The following NPEPPS variants were observed in gnomAD, a reference collection of about 807,000 sequenced individuals.
NPEPPS encodes the protein aminopeptidase puromycin sensitive.
Under a neutral mutation model 115.5 loss-of-function variants are expected in NPEPPS, and 14 were observed. That is an observed-to-expected ratio of 0.12 (90% CI 0.08 to 0.19). NPEPPS has a LOEUF of 0.19. Ranked by LOEUF, NPEPPS falls within the 10% of genes least tolerant of loss-of-function variation. NPEPPS has a pLI of 1.00. For missense variants in NPEPPS, 523 were observed against 1,110.8 expected (o/e 0.47, Z 7.52); for synonymous variants, 285 against 390.6 (o/e 0.73, Z 3.19).
At chr17:47,613,807 AAG>A (rs1226386380) in intron 19 of NPEPPS, 82 bp downstream of exon 19, 1 of 1,033,582 alleles carries the variant, frequency 9.7e-7, no homozygotes, top group Non-Finnish European at 1.5e-6. Flanking sequence ...GTTAAAAAAA[AAG>A]ACAGTCCTAG....
At chr17:47,567,207 A>G (rs1304890596) in intron 2 of NPEPPS, among the ~76,000 whole-genome samples, 1 of 152,236 alleles carries the variant, frequency 6.6e-6, no homozygotes, top group Non-Finnish European at 1.5e-5. Flanking sequence ...TTAACTTTAT[A>G]TGTCTCATTT....
chr17:47,618,530 T>G (rs1446898248), intron 20 of NPEPPS, 73 bp downstream of exon 20: 1 of 1,053,002 alleles, frequency 9.5e-7, no homozygotes, highest in East Asian at 2.4e-5. Context: ...GATTCAGCTC[T>G]GATCCTCTTG....
intron 2 of NPEPPS, among the ~76,000 whole-genome samples, chr17:47,568,843 C>T (rs567999114): frequency 6.6e-4 from 100 of 151,220 alleles, no homozygotes; most frequent in African/African-American, 2.2e-3. Context: ...TTAGTAGAGA[C>T]GGGGTTTCTC....
upstream of NPEPPS, among the ~76,000 whole-genome samples, chr17:47,530,736 G>A (rs374573333): frequency 6.6e-6 from 1 of 152,216 alleles, no homozygotes; most frequent in East Asian, 1.9e-4. Context: ...AGAGCCTCAA[G>A]TCAGGGCTTT....
At chr17:47,538,532 T>C (rs963137243) in intron 1 of NPEPPS, among the ~76,000 whole-genome samples, 18 of 141,668 alleles carry the variant, frequency 1.3e-4, no homozygotes, top group Non-Finnish European at 2.0e-4. Context: ...TTTTCTTTTT[T>C]TTTTTTTTTT....
intron 1 of NPEPPS, among the ~76,000 whole-genome samples, chr17:47,534,917 G>A (rs914227267): frequency 6.6e-6 from 1 of 151,912 alleles, no homozygotes; most frequent in Non-Finnish European, 1.5e-5. Flanking sequence ...GCTGCAGAAG[G>A]TGAAGAAATT....
intron 2 of NPEPPS, among the ~76,000 whole-genome samples, chr17:47,563,645 G>A (rs1330650903): frequency 2.0e-5 from 3 of 151,052 alleles, no homozygotes; most frequent in Admixed American, 2.0e-4. Context: ...ATCTCGGCTC[G>A]CTGCAAGCTC....
At chr17:47,538,445 C>T (rs1440231766) in intron 1 of NPEPPS, among the ~76,000 whole-genome samples, 1 of 150,954 alleles carries the variant, frequency 6.6e-6, no homozygotes, top group African/African-American at 2.4e-5. Context: ...AACACCCGAC[C>T]TCAGGTGATC....
chr17:47,529,173 A>G (rs990238253), upstream of NPEPPS, among the ~76,000 whole-genome samples: 4 of 152,222 alleles, frequency 2.6e-5, no homozygotes, highest in Non-Finnish European at 5.9e-5. Flanking sequence ...TCTATAAAGA[A>G]ATATGAAGAT....
At chr17:47,614,316 T>G (rs1388256311) in intron 19 of NPEPPS, among the ~76,000 whole-genome samples, 1 of 152,160 alleles carries the variant, frequency 6.6e-6, no homozygotes, top group Non-Finnish European at 1.5e-5. Flanking sequence ...ACAAGTCACT[T>G]TCTTTAAATT....
chr17:47,553,441 A>G (rs1273834873), intron 2 of NPEPPS, among the ~76,000 whole-genome samples: 1 of 151,908 alleles, frequency 6.6e-6, no homozygotes, highest in Non-Finnish European at 1.5e-5. Context: ...TATCTGACAT[A>G]TAGTAGGGAT....
chr17:47,621,839 G>A lies in NPEPPS; in HGVS notation c.2679G>A (p.Leu893=). The part of the protein sequence containing the change: ...TIQQCCENIL[L]NAAWLKRDAE... ...AGCAGTGTTGTGAAAATATTCTGCT[G>A]AATGCTGCCTGGCTAAAGCGAGATG... is the stretch of plus-strand genomic sequence containing the variant. The change falls in exon 23 of 23, where the codon CTG becomes CTA. Residue 893 remains leucine, a synonymous_variant. Coordinates refer to ENST00000322157, the MANE Select transcript of NPEPPS (RefSeq NM_006310.4). The A allele has an allele frequency of 6.2e-7, 1 of 1,613,986 alleles. No homozygotes were observed. Among genetic ancestry groups the A allele is most frequent in the Non-Finnish European group, 8.5e-7 (1 of 1,179,854 alleles).
chr17:47,617,869 A>T (rs573120426), intron 19 of NPEPPS, among the ~76,000 whole-genome samples: 1 of 135,438 alleles, frequency 7.4e-6, no homozygotes, highest in Non-Finnish European at 1.6e-5. Context: ...TTTAGTGCCA[A>T]AGCATCATTT....
chr17:47,555,252 G>C (rs2143750642), intron 2 of NPEPPS, among the ~76,000 whole-genome samples: 1 of 152,072 alleles, frequency 6.6e-6, no homozygotes, highest in East Asian at 1.9e-4. Context: ...AGAAAATGGA[G>C]AGCATAAAAA....
chr17:47,544,445 A>G (rs1369083476), intron 1 of NPEPPS, among the ~76,000 whole-genome samples: 1 of 152,006 alleles, frequency 6.6e-6, no homozygotes, highest in African/African-American at 2.4e-5. Context: ...AAAATATATA[A>G]TTATTGCAAT....
chr17:47,607,575 T>G (rs1913590183), intron 17 of NPEPPS, among the ~76,000 whole-genome samples: 1 of 152,162 alleles, frequency 6.6e-6, no homozygotes, highest in Non-Finnish European at 1.5e-5. Context: ...TTGATTTGAT[T>G]TACTCGGCTT....
In NPEPPS at chr17:47,559,037, C is replaced by G. The variant is rs534357019; in HGVS notation, c.341-10380C>G. ...TGGACAACAGAGCGAGACTCCATCT[C>G]AAAAAAGAGGAAAAAAAAAAAAAAA... On this transcript the variant is annotated intron_variant, in intron 2 of 22. Transcript: ENST00000322157. Among the ~76,000 whole-genome samples, 220 of 140,554 alleles carry G rather than the reference C, an allele frequency of 1.6e-3. 2 individuals are homozygous for G. The highest frequency in any genetic ancestry group is 5.7e-3 in the African/African-American group (216 of 37,574). 92.2% of individuals were successfully genotyped at this position (140,554 alleles called of 152,430 possible). A position where few individuals can be genotyped will look rare whatever the true frequency, so the allele number is the denominator to read the frequency against.
chr17:47,550,250 G>GT (rs769876863), intron 2 of NPEPPS, among the ~76,000 whole-genome samples: 22 of 150,986 alleles, frequency 1.5e-4, no homozygotes, highest in Non-Finnish European at 2.9e-4. Flanking sequence ...ACTTCTTTGT[G>GT]TAAGTTTTTA....
chr17:47,550,134 C>G (rs747205072), intron 2 of NPEPPS, among the ~76,000 whole-genome samples: 1 of 151,742 alleles, frequency 6.6e-6, no homozygotes, highest in Non-Finnish European at 1.5e-5. Context: ...GAGGTTTTAC[C>G]GTATTAGCCA....
Sources: gnomAD v4.1 joint callset for allele counts (sites outside exome capture counted in the v4.1 genomes callset) on GRCh38, gnomAD v4.1.1 for gene constraint, MANE v1.5 for transcripts, NCBI Gene and HGNC (gene_info 2026-07-23, HGNC 2026-07-21) for gene names.